The following SCN9A variants were observed in gnomAD, a reference collection of about 807,000 sequenced individuals.
SCN9A encodes the protein sodium channel protein type 9 subunit alpha.
Under a neutral mutation model 187.0 loss-of-function variants are expected in SCN9A, and 131 were observed. That is an observed-to-expected ratio of 0.70 (90% CI 0.61 to 0.81). The LOEUF (loss-of-function observed/expected upper bound fraction) is 0.81. SCN9A is among the 30% of genes least tolerant of loss of function. The pLI, the probability that SCN9A is intolerant of heterozygous loss-of-function variation, is 0.00. For synonymous variants in SCN9A, 809 were observed against 808.6 expected (o/e 1.00, Z -0.01); for missense variants, 2,252 against 2,396.6 (o/e 0.94, Z 1.26).
chr2:166,304,927 C>T (rs1698705270), intron 5 of SCN9A, among the ~76,000 whole-genome samples: 1 of 151,864 alleles, frequency 6.6e-6, no homozygotes, highest in South Asian at 2.1e-4. Flanking sequence ...TTGAATTGTA[C>T]CAATAGGAAA....
At chr2:166,242,116 A>G (rs947418288) in intron 19 of SCN9A, among the ~76,000 whole-genome samples, 2 of 152,170 alleles carry the variant, frequency 1.3e-5, no homozygotes, top group Admixed American at 1.3e-4. Context: ...AGGGCCAATG[A>G]ACTTTCTCAA....
At chr2:166,243,322 T>G (rs1695647499) in intron 18 of SCN9A, among the ~76,000 whole-genome samples, 1 of 152,096 alleles carries the variant, frequency 6.6e-6, no homozygotes, top group Admixed American at 6.6e-5. Context: ...CCTTGTTACG[T>G]ATCTTTTATG....
chr2:166,250,232 G>A lies in SCN9A; in HGVS notation c.3472+1533C>T, dbSNP rs1412525664. ...AAATCTTGGACACTGAAAGCAAGTC[G>A]ATGATTTTTCAAAAAATACTAATGC... is the stretch of plus-strand genomic sequence containing the variant. On this transcript the variant is annotated intron_variant, in intron 18 of 26. Coordinates refer to ENST00000642356, the MANE Select transcript of SCN9A (RefSeq NM_001365536.1). Among the ~76,000 whole-genome samples, 3 of 152,154 alleles carry A rather than the reference G, an allele frequency of 2.0e-5. No homozygotes were observed. In the East Asian group the frequency reaches 5.8e-4, roughly 30 times the overall value.
At chr2:166,204,485 T>C (rs1277342983) in intron 24 of SCN9A, 21 bp from the exon 25 acceptor site, 3 of 1,473,528 alleles carry the variant, frequency 2.0e-6, no homozygotes, top group African/African-American at 2.8e-5. Context: ...AAACAAAAAA[T>C]AAATGTAGTT....
chr2:166,314,222 C>G (rs888631727), intron 1 of SCN9A, among the ~76,000 whole-genome samples: 4 of 152,164 alleles, frequency 2.6e-5, no homozygotes, highest in African/African-American at 9.7e-5. Context: ...CGCTGACAGA[C>G]TTGCTTAATG....
intron 1 of SCN9A, among the ~76,000 whole-genome samples, chr2:166,318,787 A>T (rs1031335175): frequency 1.3e-5 from 2 of 152,270 alleles, no homozygotes; most frequent in East Asian, 1.9e-4. Flanking sequence ...GATCTATGTG[A>T]TGGTTACATG....
chr2:166,288,120 T>TATATACACACACAC (rs56738765), intron 10 of SCN9A, among the ~76,000 whole-genome samples: 3,815 of 135,124 alleles, frequency 0.028, 67 homozygotes, highest in African/African-American at 0.045. Context: ...TATATATATA[T>TATATACACACACAC]ACACACACAT....
chr2:166,251,394 T>G (rs1696029627), intron 18 of SCN9A, among the ~76,000 whole-genome samples: 1 of 152,046 alleles, frequency 6.6e-6, no homozygotes, highest in Admixed American at 6.6e-5. Context: ...ATCAAACAGT[T>G]TTCTGAGAGT....
chr2:166,375,159 G>A (rs1700658316), intron 1 of SCN9A, among the ~76,000 whole-genome samples: 1 of 152,174 alleles, frequency 6.6e-6, no homozygotes, highest in Non-Finnish European at 1.5e-5. Context: ...AATCTGCGCT[G>A]AGAAATAGGG....
chr2:166,340,795 C>G lies in SCN9A; in HGVS notation c.-50-28989G>C, dbSNP rs141083667. On this transcript the variant is annotated intron_variant, in intron 1 of 26. Coordinates refer to ENST00000642356, the MANE Select transcript of SCN9A (RefSeq NM_001365536.1). ...GCCACAACACCCGGCTAAGTTTTGT[C>G]TATTTTTTATAGAAATGGGGTCTTA... Among the ~76,000 whole-genome samples, 125 of 151,544 alleles carry G rather than the reference C, an allele frequency of 8.2e-4. 1 individual carries two copies. Among genetic ancestry groups the G allele is most frequent in the African/African-American group, 3.0e-3 (123 of 41,344 alleles).
At chr2:166,286,066 A>G (rs9917231) in intron 11 of SCN9A, among the ~76,000 whole-genome samples, 13,805 of 152,208 alleles carry the variant, frequency 0.091, 746 homozygotes, top group Middle Eastern at 0.14. Flanking sequence ...TATTTCTACA[A>G]TGGTTCTCAG....
intron 18 of SCN9A, among the ~76,000 whole-genome samples, chr2:166,246,083 T>C (rs1695776604): frequency 6.6e-6 from 1 of 151,966 alleles, no homozygotes; most frequent in Non-Finnish European, 1.5e-5. Context: ...TGTGTTCCTG[T>C]TTTTTCTCTC....
intron 1 of SCN9A, among the ~76,000 whole-genome samples, chr2:166,312,601 C>A (rs1698995863): frequency 6.6e-6 from 1 of 152,210 alleles, no homozygotes; most frequent in African/African-American, 2.4e-5. Flanking sequence ...TTCCCAGACC[C>A]ATCAGAGGAA....
Position 166,280,685 on chromosome 2 carries a change from A to G in SCN9A, c.2105-90T>C, listed in dbSNP as rs962217641. The G allele has an allele frequency of 1.3e-5, 10 of 741,736 alleles. No individual in the cohort carries two copies. The African/African-American group carries it at 1.8e-4, about 13-fold the overall frequency. The allele number at this position is 741,736 out of a possible 1,614,324, so 45.9% of individuals were successfully genotyped here. On this transcript the variant is annotated intron_variant, in intron 13 of 26. Coordinates refer to ENST00000642356, the MANE Select transcript of SCN9A (RefSeq NM_001365536.1). ...AATCAGTCAGGCATTCTAATATTGA[A>G]ACAAGGTTTATAGTTTAGATTTTGA... is the stretch of plus-strand genomic sequence containing the variant.
Position 166,205,677 on chromosome 2 carries a change from T to TAAAG in SCN9A, c.4399-1217_4399-1214dup, listed in dbSNP as rs1693764225. Among the ~76,000 whole-genome samples, 3 of 152,110 alleles carry TAAAG rather than the reference T, an allele frequency of 2.0e-5. No individual in the cohort carries two copies. The South Asian group carries it at 6.2e-4, about 32-fold the overall frequency. On this transcript the variant is annotated intron_variant, in intron 24 of 26. Coordinates refer to ENST00000642356, the MANE Select transcript of SCN9A (RefSeq NM_001365536.1). The stretch of plus-strand genomic sequence containing the variant: ...ACAGACAAATGGGATCTAATTAAAC[T>TAAAG]AAAGAGCTTCTGCAAAGCAAAAGAA...
intron 17 of SCN9A, among the ~76,000 whole-genome samples, chr2:166,256,191 G>A (rs1262417982): frequency 2.0e-5 from 3 of 150,952 alleles, no homozygotes; most frequent in Admixed American, 1.3e-4. Flanking sequence ...TTTCCTTCTG[G>A]AGAAATGTGA....
chr2:166,244,358 G>A (rs1007079963), intron 18 of SCN9A, among the ~76,000 whole-genome samples: 1 of 151,926 alleles, frequency 6.6e-6, no homozygotes, highest in African/African-American at 2.4e-5. Flanking sequence ...GAATTCAATG[G>A]TGTGCTGAAA....
chr2:166,356,173 C>T (rs1318242495), intron 1 of SCN9A, among the ~76,000 whole-genome samples: 2 of 152,146 alleles, frequency 1.3e-5, no homozygotes, highest in Non-Finnish European at 2.9e-5. Flanking sequence ...TGCCTCTTTT[C>T]TTTTCTCAGT....
chr2:166,217,175 T>C (rs968476521), intron 24 of SCN9A, among the ~76,000 whole-genome samples: 1 of 152,010 alleles, frequency 6.6e-6, no homozygotes, highest in African/African-American at 2.4e-5. Context: ...AAGAATGAAA[T>C]TGGGCCCTTT....
Sources: gnomAD v4.1 joint callset for allele counts (sites outside exome capture counted in the v4.1 genomes callset) on GRCh38, gnomAD v4.1.1 for gene constraint, MANE v1.5 for transcripts, NCBI Gene and HGNC (gene_info 2026-07-23, HGNC 2026-07-21) for gene names.